CTNNA2: variants seen among roughly 807,000 people sequenced by gnomAD.
The protein encoded by CTNNA2 is catenin alpha-2.
In CTNNA2, 42 loss-of-function variants were observed where a neutral mutation model predicts 101.0. The ratio of observed to expected loss-of-function variants is 0.42; its 90% confidence interval spans 0.32 to 0.54. The LOEUF (loss-of-function observed/expected upper bound fraction) is 0.54. CTNNA2 is among the 20% of genes least tolerant of loss of function. CTNNA2 has a pLI of 0.14. For synonymous variants in CTNNA2, 450 were observed against 456.4 expected (o/e 0.99, Z 0.18); for missense variants, 871 against 1,223.1 (o/e 0.71, Z 4.29).
intron 7 of CTNNA2, among the ~76,000 whole-genome samples, chr2:80,236,041 T>TA (rs766093655): frequency 2.0e-5 from 3 of 152,168 alleles, no homozygotes; most frequent in African/African-American, 7.2e-5. Context: ...AGCTCCCACT[T>TA]ATAAGTGAGA....
In CTNNA2 at chr2:79,929,319, T is replaced by G. The variant is rs559049680; in HGVS notation, c.1056+19522T>G. Among the ~76,000 whole-genome samples the G allele has an allele frequency of 2.0e-4, 30 of 152,218 alleles. No individual in the cohort carries two copies. In the East Asian group the frequency reaches 3.7e-3, roughly 19 times the overall value. On this transcript the variant is annotated intron_variant, in intron 7 of 18. Coordinates refer to ENST00000402739, the MANE Select transcript of CTNNA2 (RefSeq NM_001282597.3). ...AGATGTTTTGATTAGAAAAAGATAG[T>G]GAGAGGAGAATAACTGCCTTCAAAT...
At chr2:79,312,238 T>G (rs1361509231) in intron 2 of CTNNA2, among the ~76,000 whole-genome samples, 1 of 152,132 alleles carries the variant, frequency 6.6e-6, no homozygotes, top group Non-Finnish European at 1.5e-5. Flanking sequence ...TTAACTGAAA[T>G]GTATAACATT....
intron 1 of CTNNA2, among the ~76,000 whole-genome samples, chr2:79,591,793 A>T (rs907109022): frequency 6.6e-6 from 1 of 152,048 alleles, no homozygotes; most frequent in Non-Finnish European, 1.5e-5. Flanking sequence ...TGTCTTACGT[A>T]TGAGGAGAAT....
intron 7 of CTNNA2, among the ~76,000 whole-genome samples, chr2:80,323,233 C>T (rs1678891210): frequency 1.3e-5 from 2 of 152,192 alleles, no homozygotes; most frequent in Admixed American, 1.3e-4. Flanking sequence ...ACTTGTTAGA[C>T]ACGGGTTAGA....
chr2:80,420,286 G>A (rs1246056049), intron 9 of CTNNA2, among the ~76,000 whole-genome samples: 1 of 152,034 alleles, frequency 6.6e-6, no homozygotes, highest in East Asian at 1.9e-4. Context: ...GCCTGGCAAA[G>A]GTAGGATTAG....
At chr2:79,853,601 C>T (rs1342622739) in intron 3 of CTNNA2, among the ~76,000 whole-genome samples, 1 of 152,058 alleles carries the variant, frequency 6.6e-6, no homozygotes, top group Non-Finnish European at 1.5e-5. Flanking sequence ...TGATTCCTAC[C>T]TGATGTTTTT....
At chr2:80,135,548 G>A (rs1702647668) in intron 7 of CTNNA2, among the ~76,000 whole-genome samples, 1 of 152,158 alleles carries the variant, frequency 6.6e-6, no homozygotes, top group African/African-American at 2.4e-5. Context: ...CAGGGTGCAG[G>A]GAAGCATCAT....
intron 7 of CTNNA2, among the ~76,000 whole-genome samples, chr2:79,976,956 C>T (rs1253816797): frequency 6.6e-6 from 1 of 152,152 alleles, no homozygotes; most frequent in African/African-American, 2.4e-5. Flanking sequence ...GAGACTTGTT[C>T]TCAGAGTTAT....
rs1201846799 is a variant in CTNNA2 at position 80,335,566 on chromosome 2, T to G, written c.1057-57645T>G. Among the ~76,000 whole-genome samples, 5 of 152,226 alleles carry G rather than the reference T, an allele frequency of 3.3e-5. No homozygotes were observed. The East Asian group carries it at 9.7e-4, about 29-fold the overall frequency. ...GCAGTCTAATTGTTTTTTCTCAAAT[T>G]TTCCAGACCAATTGGTCTGGGAGAG... is the stretch of plus-strand genomic sequence containing the variant. On this transcript the variant is annotated intron_variant, in intron 7 of 18. Coordinates refer to ENST00000402739, the MANE Select transcript of CTNNA2 (RefSeq NM_001282597.3).
chr2:79,874,360 G>A lies in CTNNA2; in HGVS notation c.852+18G>A. On this transcript the variant is annotated intron_variant, in intron 6 of 18. Transcript: ENST00000402739. ...AGTTTGACGTAAGCATCCTGGTGAG[G>A]TACACAGAGGGGTGGGCACTGGTGT... 1 of 1,610,114 alleles carries A rather than the reference G, an allele frequency of 6.2e-7. No individual in the cohort carries two copies. Among genetic ancestry groups the A allele is most frequent in the East Asian group, 2.2e-5 (1 of 44,712 alleles).
intron 9 of CTNNA2, among the ~76,000 whole-genome samples, chr2:80,442,622 G>A (rs1682695044): frequency 6.6e-6 from 1 of 152,098 alleles, no homozygotes; most frequent in Non-Finnish European, 1.5e-5. Flanking sequence ...AGAATTTTAG[G>A]CCATTAATAT....
chr2:79,906,254 G>A (rs1340117842), intron 6 of CTNNA2, among the ~76,000 whole-genome samples: 1 of 151,226 alleles, frequency 6.6e-6, no homozygotes, highest in East Asian at 1.9e-4. Flanking sequence ...TACACACACA[G>A]CTCCACATAC....
At chr2:79,366,270 A>G (rs1677748724) in intron 3 of CTNNA2, among the ~76,000 whole-genome samples, 2 of 152,246 alleles carry the variant, frequency 1.3e-5, no homozygotes, top group South Asian at 2.1e-4. Context: ...GCAGATTTCT[A>G]AAAGGCACAC....
chr2:80,289,710 A>T (rs1675072783), intron 7 of CTNNA2, among the ~76,000 whole-genome samples: 1 of 152,164 alleles, frequency 6.6e-6, no homozygotes, highest in Non-Finnish European at 1.5e-5. Context: ...ACAGGTGTGG[A>T]CACCCAGGTT....
intron 13 of CTNNA2, among the ~76,000 whole-genome samples, chr2:80,578,321 T>A (rs1695239839): frequency 1.3e-5 from 2 of 152,200 alleles, no homozygotes; most frequent in Admixed American, 1.3e-4. Context: ...CATAGAACTT[T>A]CACCCTCAGT....
chr2:79,902,846 C>T (rs1685155609), intron 6 of CTNNA2, among the ~76,000 whole-genome samples: 1 of 151,978 alleles, frequency 6.6e-6, no homozygotes, highest in African/African-American at 2.4e-5. Flanking sequence ...AGGCTGGTCT[C>T]GCACTCCTGA....
At chr2:79,224,413 A>G (rs911636856) in intron 2 of CTNNA2, among the ~76,000 whole-genome samples, 22 of 152,298 alleles carry the variant, frequency 1.4e-4, no homozygotes, top group Admixed American at 3.3e-4. Flanking sequence ...TCTATCACCC[A>G]GGTTCCACAA....
intron 9 of CTNNA2, among the ~76,000 whole-genome samples, chr2:80,455,712 G>C (rs980988711): frequency 6.6e-6 from 1 of 152,114 alleles, no homozygotes; most frequent in Admixed American, 6.5e-5. Flanking sequence ...CTGTCCGTGC[G>C]ACCTTTGAGT....
intron 7 of CTNNA2, among the ~76,000 whole-genome samples, chr2:80,296,006 C>G: frequency 6.6e-6 from 1 of 151,976 alleles, no homozygotes; most frequent in East Asian, 1.9e-4. Flanking sequence ...ATATGTGCAC[C>G]CTACTCACCA....
Sources: allele counts gnomAD v4.1 joint callset (sites outside exome capture counted in the v4.1 genomes callset), GRCh38; gene constraint gnomAD v4.1.1; transcripts MANE v1.5; gene names NCBI Gene and HGNC (gene_info 2026-07-23, HGNC 2026-07-21).